The following PACS2 variants were observed in gnomAD, a reference collection of about 807,000 sequenced individuals.
PACS2 encodes the protein phosphofurin acidic cluster sorting protein 2.
Under a neutral mutation model 113.0 loss-of-function variants are expected in PACS2, and 36 were observed. The observed-to-expected ratio is 0.32, with a 90% confidence interval of 0.24 to 0.42. The LOEUF (loss-of-function observed/expected upper bound fraction) is 0.42. PACS2 is among the 10% of genes least tolerant of loss of function. PACS2 has a pLI of 1.00. For missense variants in PACS2, 1,015 were observed against 1,239.5 expected, an observed-to-expected ratio of 0.82 and a Z score of 2.72; for synonymous variants, 589 against 536.1, an observed-to-expected ratio of 1.10 and a Z score of -1.36.
chr14:105,361,052 A>G (rs1566939335), intron 4 of PACS2, among the ~76,000 whole-genome samples: 2 of 152,290 alleles, frequency 1.3e-5, no homozygotes, highest in African/African-American at 2.4e-5. Context: ...TGCTATTTCC[A>G]CCACATGTGC....
At chr14:105,314,395 C>G (rs1026646921), upstream of PACS2, 1 of 151,222 alleles carries the variant, frequency 6.6e-6, no homozygotes, top group Non-Finnish European at 1.5e-5. Flanking sequence ...GGGGGCGGCG[C>G]CTGAAGCTGG....
At chr14:105,363,325 T>C (rs1270108452) in intron 4 of PACS2, among the ~76,000 whole-genome samples, 1 of 152,050 alleles carries the variant, frequency 6.6e-6, no homozygotes, top group Non-Finnish European at 1.5e-5. Flanking sequence ...TGGAAGGCTG[T>C]GTCTTCTACG....
At position 105,376,675 on chromosome 14, in the gene PACS2, C is replaced by T. The variant is rs2095371292; in HGVS notation, c.802-93C>T. 1 of 1,244,392 alleles carries T rather than the reference C, an allele frequency of 8.0e-7. No individual in the cohort carries two copies. Among genetic ancestry groups the T allele is most frequent in the Admixed American group, 2.1e-5 (1 of 46,664 alleles). 77.1% of individuals were successfully genotyped at this position (1,244,392 alleles called of 1,614,324 possible). ...GGTTTGGTGGCTGGGTGCCCGCCTC[C>T]TATTGCTCCTGCAGACTCTGGGGTC... On this transcript the variant is annotated intron_variant, in intron 8 of 24. Transcript: ENST00000447393. This position sits in a 1 kb window ranked among gnomAD's most constrained non-coding sequence, Gnocchi z 4.7.
rs2061346042 is a variant in PACS2 at position 105,376,161 on chromosome 14, T to A, written c.802-607T>A. On this transcript the variant is annotated intron_variant, in intron 8 of 24. Transcript: ENST00000447393. This position sits in a 1 kb window ranked among gnomAD's most constrained non-coding sequence, Gnocchi z 4.7. ...CCCAGGATCCAGTTACCTCCACTTGTCCTGCCCTTGGCACGTGGGGCTTAT... is the reference window on the plus strand; with the variant it reads ...CCCAGGATCCAGTTACCTCCACTTGACCTGCCCTTGGCACGTGGGGCTTAT... 6.6e-6 allele frequency among the ~76,000 whole-genome samples: 1 copy of A among 152,078 alleles called. No individual in the cohort carries two copies. The highest frequency in any genetic ancestry group is 1.5e-5 in the Non-Finnish European group (1 of 68,008).
chr14:105,345,024 G>C (rs782327180), intron 1 of PACS2, among the ~76,000 whole-genome samples: 1 of 151,922 alleles, frequency 6.6e-6, no homozygotes, highest in Admixed American at 6.6e-5. Context: ...CATGAGAATC[G>C]TTTGAACCCA....
chr14:105,321,097 G>A (rs587746865), intron 1 of PACS2, among the ~76,000 whole-genome samples: 1 of 152,320 alleles, frequency 6.6e-6, no homozygotes, highest in South Asian at 2.1e-4. Flanking sequence ...AGGTTGCAGT[G>A]AGCCCAGATG....
chr14:105,325,177 G>GC (rs1566904050), intron 1 of PACS2, among the ~76,000 whole-genome samples: 2 of 151,492 alleles, frequency 1.3e-5, no homozygotes, highest in African/African-American at 4.9e-5. Context: ...GACGGGGGGG[G>GC]GCTCGGACAC....
At chr14:105,314,056 G>T (rs949294404), upstream of PACS2, among the ~76,000 whole-genome samples, 19 of 152,268 alleles carry the variant, frequency 1.2e-4, no homozygotes, top group African/African-American at 4.3e-4. Context: ...GGCGCCCGGG[G>T]TCATCTGGAG....
intron 20 of PACS2, chr14:105,390,256 TG>T: frequency 1.9e-6 from 1 of 538,150 alleles, no homozygotes; most frequent in Non-Finnish European, 3.4e-6. Context: ...GACAGGTCGG[TG>T]GGGCGAGGCC....
At chr14:105,389,893 G>A (rs1254617755) in intron 19 of PACS2, 68 bp from the exon 20 acceptor site, 2 of 1,422,358 alleles carry the variant, frequency 1.4e-6, no homozygotes, top group African/African-American at 1.4e-5. Flanking sequence ...CAGGCCAAGA[G>A]GGAGCTGTGC....
chr14:105,313,357 C>CA (rs2058404725), upstream of PACS2, among the ~76,000 whole-genome samples: 1 of 152,190 alleles, frequency 6.6e-6, no homozygotes, highest in Non-Finnish European at 1.5e-5. Flanking sequence ...TACCCTGTCT[C>CA]AAAGGTATGA....
chr14:105,383,095 C>T (rs868973531), intron 15 of PACS2, 182 bp downstream of exon 15: 1 of 623,836 alleles, frequency 1.6e-6, no homozygotes, highest in Middle Eastern at 2.9e-4. Context: ...GCGGGAGCAG[C>T]AGCCTGGTGG....
Position 105,368,468 on chromosome 14 carries a change from G to C in PACS2, c.670G>C (p.Glu224Gln). The C allele has an allele frequency of 6.2e-7, 1 of 1,613,792 alleles. No homozygotes were observed. Among genetic ancestry groups the C allele is most frequent in the Non-Finnish European group, 8.5e-7 (1 of 1,179,754 alleles). The change falls in exon 7 of 25, where the codon GAG (glutamate) becomes CAG (glutamine). Residue 224 changes from glutamate to glutamine, a missense_variant. By Grantham distance (29) the Glu-to-Gln change is conservative (BLOSUM62 2). This residue lies in a region of PACS2 where 859 missense variants were observed against 1,056.8 expected (regional missense o/e 0.81). Transcript: ENST00000447393. Reference protein sequence around the residue: ...DDAVQGQDLDEDDFDVGKPKK... With the variant: ...DDAVQGQDLDQDDFDVGKPKK... ...GCATATGTCTCTGCAGGACTTGGAC[G>C]AGGACGACTTTGACGTGGGGAAGCC...
Position 105,348,415 on chromosome 14 carries a change from C to G in PACS2, c.120-78C>G. The G allele has an allele frequency of 1.7e-6, 2 of 1,144,336 alleles. No homozygotes were observed. Among genetic ancestry groups the G allele is most frequent in the Non-Finnish European group, 2.6e-6 (2 of 776,022 alleles). The allele number at this position is 1,144,336 out of a possible 1,614,324, so 70.9% of individuals were successfully genotyped here. Reference sequence around the variant, plus strand: ...CCCAGGGTGCAGGCTCCCGGGGTGACACAGTGCTGGGACGGCACAGGGCCG... The same window carrying G: ...CCCAGGGTGCAGGCTCCCGGGGTGAGACAGTGCTGGGACGGCACAGGGCCG... On this transcript the variant is annotated intron_variant, in intron 1 of 24. Transcript: ENST00000447393. This position sits in a 1 kb window ranked among gnomAD's most constrained non-coding sequence, Gnocchi z 6.4.
intron 1 of PACS2, among the ~76,000 whole-genome samples, chr14:105,320,948 T>G (rs1303761564): frequency 6.6e-6 from 1 of 152,022 alleles, no homozygotes; most frequent in Non-Finnish European, 1.5e-5. Context: ...AGGTTAGGAG[T>G]TCGAGACCAG....
rs782242559 is a variant in PACS2 at position 105,379,823 on chromosome 14, A to G, written c.1044A>G (p.Pro348=). Residue 348 remains proline, a synonymous_variant, in exon 10 of 25, where the codon CCA becomes CCG. Coordinates refer to ENST00000447393, the MANE Select transcript of PACS2 (RefSeq NM_001100913.3). ...GCGCCCGCAGCCACAAGGAGCCCCC[A>G]AGCCCGGTGAGTGGGGCCACACTGA... ...IHSARSHKEP[P]SPADVPEKTR... The G allele has an allele frequency of 2.5e-6, 4 of 1,613,156 alleles. No individual in the cohort carries two copies. Among genetic ancestry groups the G allele is most frequent in the Admixed American group, 3.3e-5 (2 of 59,998 alleles).
Position 105,396,533 on chromosome 14 carries a change from C to T in PACS2, c.*1861C>T, listed in dbSNP as rs1158243257. The stretch of plus-strand genomic sequence containing the variant: ...TTTTTTTTTTTGAGATGGAGTCTTG[C>T]TCTGTTGCCCAGGCTGGAGTGCAGT... On this transcript the variant is annotated 3_prime_UTR_variant, in exon 25 of 25. Coordinates refer to ENST00000447393, the MANE Select transcript of PACS2 (RefSeq NM_001100913.3). 7.6e-6 allele frequency: 1 copy of T among 131,626 alleles called. No individual in the cohort carries two copies. The highest frequency in any genetic ancestry group is 8.4e-5 in the Admixed American group (1 of 11,866). The allele number at this position is 131,626 out of a possible 1,614,324, so 8.2% of individuals were successfully genotyped here. A position where few individuals can be genotyped will look rare whatever the true frequency, so the allele number is the denominator to read the frequency against.
chr14:105,368,322 C>A, intron 6 of PACS2, 137 bp from the exon 7 acceptor site: 2 of 829,948 alleles, frequency 2.4e-6, no homozygotes, highest in Non-Finnish European at 4.0e-6. Context: ...AGTTTATGCT[C>A]AGGTGGCTCT....
At position 105,358,659 on chromosome 14, in the gene PACS2, G is replaced by A. The variant is rs1218573567; in HGVS notation, c.423+3482G>A. ...AGGCGAAGGGGTGACCTGGGAGTGC[G>A]GTGGTGGCTGAGGGAGCAGCCATGC... On this transcript the variant is annotated intron_variant, in intron 4 of 24. Transcript: ENST00000447393. The surrounding 1 kb of genome is among the most constrained non-coding windows in gnomAD (Gnocchi z 4.9). Among the ~76,000 whole-genome samples the A allele has an allele frequency of 6.6e-6, 1 of 152,174 alleles. No individual in the cohort carries two copies. The highest frequency in any genetic ancestry group is 2.4e-5 in the African/African-American group (1 of 41,446).
Sources: allele counts gnomAD v4.1 joint callset (sites outside exome capture counted in the v4.1 genomes callset), GRCh38; gene constraint gnomAD v4.1.1; regional missense constraint gnomAD v4.1.1; non-coding constraint Gnocchi (gnomAD v3.1); transcripts MANE v1.5; gene names NCBI Gene and HGNC (gene_info 2026-07-23, HGNC 2026-07-21).